The following CMPK1 variants were observed in gnomAD, a reference collection of about 807,000 sequenced individuals.
The protein encoded by CMPK1 is UMP-CMP kinase.
A neutral mutation model predicts 25.7 loss-of-function variants in CMPK1; 10 were observed. The ratio of observed to expected loss-of-function variants is 0.39; its 90% CI spans 0.24 to 0.66. The LOEUF (loss-of-function observed/expected upper bound fraction) is 0.66, where lower values mean the gene tolerates loss of function less well. Ranked by LOEUF, CMPK1 falls within the 30% of genes least tolerant of loss-of-function variation. The pLI is 0.48. For missense variants in CMPK1, 199 were observed against 280.5 expected, an observed-to-expected ratio of 0.71 and a Z score of 2.08; for synonymous variants, 106 against 101.5, an observed-to-expected ratio of 1.04 and a Z score of -0.27.
At chr1:47,356,277 G>A (rs1405983330) in intron 1 of CMPK1, among the ~76,000 whole-genome samples, 5 of 151,988 alleles carry the variant, frequency 3.3e-5, no homozygotes, top group African/African-American at 9.7e-5. Flanking sequence ...ATAAATAAAA[G>A]CACCTATTTT....
intron 1 of CMPK1, among the ~76,000 whole-genome samples, chr1:47,368,115 A>T (rs1451546951): frequency 2.0e-5 from 3 of 151,790 alleles, no homozygotes; most frequent in Non-Finnish European, 4.4e-5. Context: ...ATGCCTGGCT[A>T]ATTTTTGTGT....
At chr1:47,350,874 C>T (rs1646518062) in intron 1 of CMPK1, among the ~76,000 whole-genome samples, 1 of 151,270 alleles carries the variant, frequency 6.6e-6, no homozygotes, top group African/African-American at 2.4e-5. Context: ...CGCCACTGCA[C>T]TCCAGCCTGG....
intron 3 of CMPK1, among the ~76,000 whole-genome samples, 189 bp from the exon 4 acceptor site, chr1:47,374,719 TA>T (rs1646696430): frequency 6.6e-6 from 1 of 152,246 alleles, no homozygotes; most frequent in Non-Finnish European, 1.5e-5. Context: ...TGTACTTATT[TA>T]ACCTAGTTTA....
intron 1 of CMPK1, among the ~76,000 whole-genome samples, chr1:47,359,044 C>T (rs1337709172): frequency 4.6e-5 from 7 of 152,200 alleles, no homozygotes; most frequent in South Asian, 4.1e-4. Context: ...ACAGGCCAGG[C>T]GCGGTGGCTC....
intron 1 of CMPK1, among the ~76,000 whole-genome samples, chr1:47,343,852 A>T (rs917936535): frequency 3.3e-5 from 5 of 150,890 alleles, no homozygotes; most frequent in Non-Finnish European, 7.4e-5. Flanking sequence ...GCGCCACTGC[A>T]CTCCAGCCTG....
intron 1 of CMPK1, among the ~76,000 whole-genome samples, chr1:47,360,045 A>G (rs962381171): frequency 6.6e-6 from 1 of 152,204 alleles, no homozygotes; most frequent in Admixed American, 6.5e-5. Context: ...ATGAGTATGT[A>G]ACTTGTATGT....
At chr1:47,351,162 C>T (rs1646520359) in intron 1 of CMPK1, among the ~76,000 whole-genome samples, 1 of 152,116 alleles carries the variant, frequency 6.6e-6, no homozygotes, top group Admixed American at 6.6e-5. Flanking sequence ...CAGCTCACTG[C>T]AACCTCCGCC....
intron 1 of CMPK1, chr1:47,358,908 G>C (rs1646581860): frequency 1.1e-5 from 11 of 985,246 alleles, no homozygotes; most frequent in Non-Finnish European, 1.3e-5. Flanking sequence ...TTCATGAAGA[G>C]GATCTTTACA....
intron 3 of CMPK1, among the ~76,000 whole-genome samples, chr1:47,374,304 G>T (rs181197163): frequency 1.3e-5 from 2 of 152,218 alleles, no homozygotes; most frequent in East Asian, 3.9e-4. Context: ...TGATCCACCC[G>T]CCTTAGCCTT....
chr1:47,364,176 G>GA (rs889575198), intron 1 of CMPK1, among the ~76,000 whole-genome samples: 104 of 149,844 alleles, frequency 6.9e-4, no homozygotes, highest in African/African-American at 2.3e-3. Flanking sequence ...ATGGCCAAAA[G>GA]AAAAAAAAAG....
chr1:47,343,628 G>C (rs1179691435), intron 1 of CMPK1, among the ~76,000 whole-genome samples: 2 of 152,024 alleles, frequency 1.3e-5, no homozygotes, highest in African/African-American at 2.4e-5. Flanking sequence ...AGAAGACGCA[G>C]ATTGGCCAGT....
At chr1:47,334,236 C>T (rs1486016936) in intron 1 of CMPK1, 120 bp downstream of exon 1, 6 of 983,460 alleles carry the variant, frequency 6.1e-6, no homozygotes, top group Non-Finnish European at 6.5e-6. Flanking sequence ...GTCCCGGCGG[C>T]CACCGCGCCG....
chr1:47,344,380 TA>T (rs1255443039), intron 1 of CMPK1, among the ~76,000 whole-genome samples: 3 of 152,038 alleles, frequency 2.0e-5, no homozygotes, highest in African/African-American at 7.2e-5. Context: ...CAATTCTGAG[TA>T]AAGTGTGAGA....
chr1:47,333,913 C>T lies in CMPK1; in HGVS notation c.-33C>T. The T allele has an allele frequency of 7.9e-7, 1 of 1,263,888 alleles. No individual in the cohort carries two copies. Among genetic ancestry groups the T allele is most frequent in the Non-Finnish European group, 1.0e-6 (1 of 991,926 alleles). 78.3% of individuals were successfully genotyped at this position (1,263,888 alleles called of 1,614,324 possible). On this transcript the variant is annotated 5_prime_UTR_variant, in exon 1 of 6. Coordinates refer to ENST00000371873, the MANE Select transcript of CMPK1 (RefSeq NM_016308.3). ...CGCCCCGCGCCGCGCCGGCCGCTGT[C>T]AGCTCCCTCAGCGTCCGGCCGAGGC...
chr1:47,374,451 C>A (rs1181429214), intron 3 of CMPK1, among the ~76,000 whole-genome samples: 1 of 152,156 alleles, frequency 6.6e-6, no homozygotes, highest in Admixed American at 6.5e-5. Context: ...GTTACCACAG[C>A]TTTATAACAA....
intron 1 of CMPK1, among the ~76,000 whole-genome samples, chr1:47,347,425 T>C (rs922920538): frequency 2.0e-5 from 3 of 152,000 alleles, no homozygotes; most frequent in Admixed American, 6.6e-5. Flanking sequence ...CCCAGGCTGG[T>C]CTTGAACTCC....
chr1:47,358,796 A>G, intron 1 of CMPK1: 9 of 984,294 alleles, frequency 9.1e-6, no homozygotes, highest in Non-Finnish European at 1.1e-5. Context: ...TAATATTATT[A>G]TTTAGGATTC....
intron 1 of CMPK1, among the ~76,000 whole-genome samples, chr1:47,334,319 G>A (rs1646379823): frequency 6.6e-6 from 1 of 152,044 alleles, no homozygotes; most frequent in Non-Finnish European, 1.5e-5. Flanking sequence ...GCCCGCCTTG[G>A]GGGCCACCGC....
chr1:47,374,783 G>A, intron 3 of CMPK1, 126 bp from the exon 4 acceptor site: 1 of 612,938 alleles, frequency 1.6e-6, no homozygotes, highest in Non-Finnish European at 2.8e-6. Context: ...GTTGATTAAT[G>A]AATTAGACAC....
Sources: allele counts gnomAD v4.1 joint callset (sites outside exome capture counted in the v4.1 genomes callset), GRCh38; gene constraint gnomAD v4.1.1; transcripts MANE v1.5; gene names NCBI Gene and HGNC (gene_info 2026-07-23, HGNC 2026-07-21).